The following ADAMTS17 variants were observed in gnomAD, a reference collection of about 807,000 sequenced individuals.
The protein encoded by ADAMTS17 is ADAM metallopeptidase with thrombospondin type 1 motif 17.
In ADAMTS17, 113 loss-of-function variants were observed where a neutral mutation model predicts 141.5. The observed-to-expected ratio is 0.80, with a 90% CI of 0.69 to 0.93. The LOEUF (loss-of-function observed/expected upper bound fraction) is 0.93. ADAMTS17 is among the 40% of genes least tolerant of loss of function. ADAMTS17 has a pLI of 0.00. For synonymous variants in ADAMTS17, 768 were observed against 630.6 expected (o/e 1.22, Z -3.27); for missense variants, 1,659 against 1,517.9 (o/e 1.09, Z -1.54).
intron 3 of ADAMTS17, among the ~76,000 whole-genome samples, chr15:100,328,390 G>C (rs1327445391): frequency 6.6e-6 from 1 of 152,192 alleles, no homozygotes; most frequent in African/African-American, 2.4e-5. Context: ...TGCAATGCAA[G>C]AAGGACCAGA....
intron 7 of ADAMTS17, among the ~76,000 whole-genome samples, chr15:100,233,455 A>G (rs986969101): frequency 6.6e-6 from 1 of 150,978 alleles, no homozygotes; most frequent in African/African-American, 2.5e-5. Context: ...TGAGTCCTTC[A>G]TCTCTCCAAA....
At chr15:100,101,935 A>G (rs942638635) in intron 14 of ADAMTS17, among the ~76,000 whole-genome samples, 1 of 152,244 alleles carries the variant, frequency 6.6e-6, no homozygotes, top group Non-Finnish European at 1.5e-5. Flanking sequence ...CCGTGACTCC[A>G]GGATTTACTG....
intron 18 of ADAMTS17, among the ~76,000 whole-genome samples, chr15:100,033,717 AG>A (rs2030418568): frequency 6.6e-6 from 1 of 152,242 alleles, no homozygotes; most frequent in African/African-American, 2.4e-5. Context: ...GAGTGGATAC[AG>A]GAGCTGCTCC....
intron 20 of ADAMTS17, among the ~76,000 whole-genome samples, chr15:99,978,146 C>T (rs1369586848): frequency 1.3e-5 from 2 of 152,196 alleles, no homozygotes; most frequent in Non-Finnish European, 2.9e-5. Context: ...GAGAAAGGAC[C>T]TTCCTGGGGG....
intron 20 of ADAMTS17, among the ~76,000 whole-genome samples, chr15:99,977,383 TA>T (rs1567632368): frequency 0.016 from 390 of 24,266 alleles, 83 homozygotes; most frequent in Non-Finnish European, 0.018. Flanking sequence ...TATATATATA[TA>T]TATATATATA....
intron 7 of ADAMTS17, among the ~76,000 whole-genome samples, chr15:100,215,123 C>T (rs995967684): frequency 2.0e-5 from 3 of 152,316 alleles, no homozygotes; most frequent in Admixed American, 6.5e-5. Flanking sequence ...TGGCAGGTTC[C>T]GGCTACAGCC....
At chr15:100,208,354 A>C (rs2041660469) in intron 7 of ADAMTS17, among the ~76,000 whole-genome samples, 1 of 152,134 alleles carries the variant, frequency 6.6e-6, no homozygotes, top group Non-Finnish European at 1.5e-5. Flanking sequence ...AGGCCAGAAG[A>C]CAGAAGGTGC....
intron 7 of ADAMTS17, among the ~76,000 whole-genome samples, chr15:100,214,956 C>T (rs938756966): frequency 2.0e-5 from 3 of 152,254 alleles, no homozygotes; most frequent in Non-Finnish European, 4.4e-5. Flanking sequence ...GAGGAAACAA[C>T]TGCCCATTCT....
intron 8 of ADAMTS17, among the ~76,000 whole-genome samples, chr15:100,171,353 C>T (rs2040152831): frequency 6.6e-6 from 1 of 152,170 alleles, no homozygotes; most frequent in Admixed American, 6.5e-5. Context: ...GCTGCCTTTC[C>T]ACCCTGCCCA....
intron 7 of ADAMTS17, among the ~76,000 whole-genome samples, chr15:100,211,591 A>T (rs1255957258): frequency 6.6e-6 from 1 of 152,232 alleles, no homozygotes; most frequent in East Asian, 1.9e-4. Context: ...AACAAGAAAC[A>T]GGAAGCAAAG....
At chr15:100,200,706 G>A (rs2041296623) in intron 7 of ADAMTS17, among the ~76,000 whole-genome samples, 1 of 152,194 alleles carries the variant, frequency 6.6e-6, no homozygotes, top group East Asian at 1.9e-4. Context: ...GCGCCATGGG[G>A]CGGATGACGG....
chr15:100,214,817 C>T (rs778130824), intron 7 of ADAMTS17, among the ~76,000 whole-genome samples: 5 of 152,212 alleles, frequency 3.3e-5, no homozygotes, highest in Non-Finnish European at 7.3e-5. Context: ...ACAAGCGACA[C>T]GGCACACTTC....
At chr15:100,083,712 T>C (rs1050598214) in intron 15 of ADAMTS17, among the ~76,000 whole-genome samples, 6 of 150,408 alleles carry the variant, frequency 4.0e-5, no homozygotes, top group East Asian at 2.0e-4. Context: ...TGGTGCCTTA[T>C]TGTTGTGCCC....
At chr15:100,062,930 C>T (rs1316493994) in intron 15 of ADAMTS17, among the ~76,000 whole-genome samples, 2 of 152,176 alleles carry the variant, frequency 1.3e-5, no homozygotes, top group Non-Finnish European at 2.9e-5. Flanking sequence ...ACCCTCTGGG[C>T]ACCCTGCTGT....
At chr15:100,244,506 G>T (rs2042927881) in intron 7 of ADAMTS17, among the ~76,000 whole-genome samples, 1 of 151,752 alleles carries the variant, frequency 6.6e-6, no homozygotes, top group Non-Finnish European at 1.5e-5. Context: ...GAATTATGGG[G>T]GCAGTTCTTT....
chr15:100,341,310 CG>C lies in ADAMTS17; in HGVS notation c.178del (p.Arg60AspfsTer103). ...GGGCGTGCGGGGGCGTCGCCGCCGT[CG>C]GGGCCCGGGGGCTGCGGGCAGCGGC... Reference protein sequence around the residue: ...LPPLPAAPGPRRRRRPRTPPA... With the variant: ...LPPLPAAPGPXRRRRPRTPPA... On this transcript the variant is annotated frameshift_variant, in exon 2 of 22. Coordinates refer to ENST00000268070, the MANE Select transcript of ADAMTS17 (RefSeq NM_139057.4). LOFTEE classifies it high-confidence loss of function. 3 of 1,054,436 alleles carry C rather than the reference CG, an allele frequency of 2.8e-6. No homozygotes were observed. The highest frequency in any genetic ancestry group is 2.3e-6 in the Non-Finnish European group (2 of 877,154). 65.3% of individuals were successfully genotyped at this position (1,054,436 alleles called of 1,614,324 possible). A position where few individuals can be genotyped will look rare whatever the true frequency, so the allele number is the denominator to read the frequency against.
chr15:100,053,109 T>C (rs1223103777), intron 16 of ADAMTS17, among the ~76,000 whole-genome samples: 1 of 152,194 alleles, frequency 6.6e-6, no homozygotes, highest in Non-Finnish European at 1.5e-5. Flanking sequence ...GTGTTTTGAT[T>C]ACAGGGGCAC....
intron 7 of ADAMTS17, among the ~76,000 whole-genome samples, chr15:100,207,560 G>GACATGGTTTAA (rs1555482769): frequency 6.6e-6 from 1 of 152,210 alleles, no homozygotes; most frequent in Non-Finnish European, 1.5e-5. Flanking sequence ...TGATGTTCAC[G>GACATGGTTTAA]ACATGGTTTA....
chr15:99,992,944 TG>T, intron 20 of ADAMTS17, 103 bp downstream of exon 20: 2 of 1,451,638 alleles, frequency 1.4e-6, no homozygotes, highest in Non-Finnish European at 1.9e-6. Flanking sequence ...CTAGTTACGC[TG>T]GGACTGCCGC....
Sources: allele counts gnomAD v4.1 joint callset (sites outside exome capture counted in the v4.1 genomes callset), GRCh38; gene constraint gnomAD v4.1.1; transcripts MANE v1.5; gene names NCBI Gene and HGNC (gene_info 2026-07-23, HGNC 2026-07-21).